Variants in DDX10 observed in about 807,000 individuals in gnomAD.
DDX10 encodes probable ATP-dependent RNA helicase DDX10.
In DDX10, 74 loss-of-function variants were observed where a neutral mutation model predicts 104.3. The ratio of observed to expected loss-of-function variants is 0.71; its 90% CI spans 0.59 to 0.86. The LOEUF (loss-of-function observed/expected upper bound fraction) is 0.86, where lower values mean the gene tolerates loss of function less well. DDX10 is among the 40% of genes least tolerant of loss of function. DDX10 has a pLI of 0.00. For synonymous variants in DDX10, 351 were observed against 353.4 expected, an observed-to-expected ratio of 0.99 and a Z score of 0.08; for missense variants, 952 against 1,040.0, an observed-to-expected ratio of 0.92 and a Z score of 1.16.
At chr11:108,709,167 G>T (rs946855814) in intron 10 of DDX10, among the ~76,000 whole-genome samples, 5 of 152,122 alleles carry the variant, frequency 3.3e-5, no homozygotes, top group African/African-American at 9.7e-5. Flanking sequence ...CTTTTTTCCT[G>T]ATCTTAGCGG....
At chr11:108,792,208 T>C (rs1861880176) in intron 13 of DDX10, among the ~76,000 whole-genome samples, 1 of 152,202 alleles carries the variant, frequency 6.6e-6, no homozygotes, top group Non-Finnish European at 1.5e-5. Context: ...TCTTGGATTC[T>C]GTGGGTTGTC....
At chr11:108,881,005 A>C (rs1353781116) in intron 16 of DDX10, among the ~76,000 whole-genome samples, 3 of 152,206 alleles carry the variant, frequency 2.0e-5, no homozygotes, top group Non-Finnish European at 2.9e-5. Context: ...ACTCTTATGC[A>C]TCTTTTTGCT....
At chr11:108,678,561 T>C in intron 5 of DDX10, 126 bp downstream of exon 5, 1 of 1,074,916 alleles carries the variant, frequency 9.3e-7, no homozygotes, top group Non-Finnish European at 1.3e-6. Context: ...ACTTAAAAAT[T>C]ACTGAAACAT....
chr11:108,763,011 G>T (rs1303257808), intron 13 of DDX10, among the ~76,000 whole-genome samples: 1 of 152,126 alleles, frequency 6.6e-6, no homozygotes, highest in East Asian at 1.9e-4. Context: ...ACAAAGTGAT[G>T]GTAGAACATA....
At chr11:108,690,394 T>G (rs1373352303) in intron 7 of DDX10, 1 of 152,788 alleles carries the variant, frequency 6.5e-6, no homozygotes, top group African/African-American at 2.4e-5. Flanking sequence ...AGCAGCTTCT[T>G]GGGCATGGGG....
At chr11:108,848,198 C>T (rs1306511177) in intron 15 of DDX10, among the ~76,000 whole-genome samples, 2 of 152,140 alleles carry the variant, frequency 1.3e-5, no homozygotes, top group Non-Finnish European at 2.9e-5. Context: ...AGACTCCATA[C>T]TAATACCACT....
intron 13 of DDX10, among the ~76,000 whole-genome samples, chr11:108,829,311 AT>A (rs1862438798): frequency 6.6e-6 from 1 of 152,144 alleles, no homozygotes; most frequent in Admixed American, 6.5e-5. Flanking sequence ...GTGAGGTGGT[AT>A]TGCATTGTGG....
Position 108,665,198 on chromosome 11 carries a change from C to G in DDX10, c.45C>G (p.Asp15Glu), listed in dbSNP as rs893878623. Residue 15 changes from aspartate (D) to glutamate (E), a missense_variant, in exon 1 of 18, where the codon GAC becomes GAG. Physicochemically the swap from Asp to Glu is conservative, Grantham distance 45. Around this residue, in one of 3 missense-constraint regions of DDX10, gnomAD observed 412 missense variants for 479.2 expected, o/e 0.86. Coordinates refer to ENST00000322536, the MANE Select transcript of DDX10 (RefSeq NM_004398.4). ...CTCCGGGTTCGGGAGCCCGACCCGACCCGGTGCGGAGCTTCAATCGCTGGA... is the reference window on the plus strand; with the variant it reads ...CTCCGGGTTCGGGAGCCCGACCCGAGCCGGTGCGGAGCTTCAATCGCTGGA... The part of the protein sequence containing the change: ...ANSPGSGARP[D>E]PVRSFNRWKK... The G allele has an allele frequency of 1.2e-6, 2 of 1,612,986 alleles. No individual in the cohort carries two copies. Among genetic ancestry groups the G allele is most frequent in the African/African-American group, 2.7e-5 (2 of 74,874 alleles).
At chr11:108,691,427 A>G (rs973978624) in intron 7 of DDX10, among the ~76,000 whole-genome samples, 1 of 152,190 alleles carries the variant, frequency 6.6e-6, no homozygotes, top group South Asian at 2.1e-4. Context: ...AGTCCCACAC[A>G]TTGAGATATA....
chr11:108,866,344 C>T (rs557061768), intron 16 of DDX10, among the ~76,000 whole-genome samples: 5 of 152,156 alleles, frequency 3.3e-5, no homozygotes, highest in African/African-American at 1.2e-4. Context: ...TGAGAGGATT[C>T]GGCAATGAGA....
chr11:108,940,389 A>C lies in DDX10; in HGVS notation c.2594A>C (p.Glu865Ala). 1 of 1,613,920 alleles carries C rather than the reference A, an allele frequency of 6.2e-7. No homozygotes were observed. The highest frequency in any genetic ancestry group is 8.5e-7 in the Non-Finnish European group (1 of 1,179,962). ...GGCCTGTCTTTAGCAGAGGATGAAG[A>C]GCTGGTGTTACATCTGCTAAGAAGT... The part of the protein sequence containing the change: ...DTGLSLAEDE[E>A]LVLHLLRSQS The change falls in exon 18 of 18, where the codon GAG becomes GCG. Residue 865 changes from glutamate (E) to alanine (A), a missense_variant. Physicochemically the swap from Glu to Ala is moderately radical, Grantham distance 107. Transcript: ENST00000322536.
At chr11:108,736,092 CTT>C (rs1206878084) in intron 13 of DDX10, among the ~76,000 whole-genome samples, 1 of 151,006 alleles carries the variant, frequency 6.6e-6, no homozygotes, top group Non-Finnish European at 1.5e-5. Flanking sequence ...AAACCAATGA[CTT>C]TGTAAAATAT....
Position 108,770,943 on chromosome 11 carries a change from T to A in DDX10, c.1965+47481T>A, listed in dbSNP as rs559890884. 3.3e-5 allele frequency among the ~76,000 whole-genome samples: 5 copies of A among 151,670 alleles called. No homozygotes were observed. The South Asian group carries it at 1.0e-3, about 32-fold the overall frequency. ...GTTTCCAAAGTGTTGTCCAGAGTGG[T>A]TGTGCTAATTTACATTCCCACCAAC... On this transcript the variant is annotated intron_variant, in intron 13 of 17. Coordinates refer to ENST00000322536, the MANE Select transcript of DDX10 (RefSeq NM_004398.4).
intron 17 of DDX10, among the ~76,000 whole-genome samples, chr11:108,924,277 T>A (rs769414984): frequency 1.2e-4 from 18 of 152,208 alleles, no homozygotes; most frequent in Non-Finnish European, 2.1e-4. Context: ...CTACATTCTC[T>A]GAGGCAGGTA....
intron 6 of DDX10, among the ~76,000 whole-genome samples, chr11:108,685,326 C>G (rs1374178400): frequency 1.3e-5 from 2 of 151,094 alleles, no homozygotes; most frequent in Non-Finnish European, 3.0e-5. Flanking sequence ...TTCTTTGACT[C>G]GGAAAGGGAA....
intron 6 of DDX10, among the ~76,000 whole-genome samples, chr11:108,688,624 A>G (rs890093223): frequency 6.6e-6 from 1 of 152,206 alleles, no homozygotes; most frequent in Non-Finnish European, 1.5e-5. Flanking sequence ...GAGATGTGGA[A>G]TACTAATCAG....
intron 13 of DDX10, among the ~76,000 whole-genome samples, chr11:108,815,399 G>A (rs1862242005): frequency 6.6e-6 from 1 of 152,076 alleles, no homozygotes. Context: ...GCACACTCAA[G>A]TTCTGCAGTC....
chr11:108,934,850 TAGTC>T (rs1864016761), intron 17 of DDX10, among the ~76,000 whole-genome samples: 1 of 152,170 alleles, frequency 6.6e-6, no homozygotes, highest in Non-Finnish European at 1.5e-5. Context: ...AACGGAGGAT[TAGTC>T]AGCAGACAGG....
chr11:108,760,932 A>G (rs1350988281), intron 13 of DDX10, among the ~76,000 whole-genome samples: 1 of 152,068 alleles, frequency 6.6e-6, no homozygotes, highest in Admixed American at 6.6e-5. Context: ...AAAATTTTCA[A>G]AGGTGGAAGA....
Sources: gnomAD v4.1 joint callset for allele counts (sites outside exome capture counted in the v4.1 genomes callset) on GRCh38, gnomAD v4.1.1 for gene constraint, gnomAD v4.1.1 regional missense constraint, MANE v1.5 for transcripts, NCBI Gene and HGNC (gene_info 2026-07-23, HGNC 2026-07-21) for gene names.